Variants in ZNF81 observed in about 807,000 individuals in gnomAD.
ZNF81 encodes the protein zinc finger protein 81, also known as zinc finger protein 81 (HFZ20).
A neutral mutation model predicts 32.3 loss-of-function variants in ZNF81; 5 were observed. The ratio of observed to expected loss-of-function variants is 0.15; its 90% CI spans 0.08 to 0.33. ZNF81 has a LOEUF of 0.33. Ranked by LOEUF, ZNF81 falls within the 10% of genes least tolerant of loss-of-function variation. The probability of loss-of-function intolerance (pLI) is 1.00; values close to 1 mark genes in which losing one functional copy is unlikely to be tolerated. For missense variants in ZNF81, 379 were observed against 479.8 expected (o/e 0.79, Z 1.96); for synonymous variants, 163 against 166.8 (o/e 0.98, Z 0.17).
intron 2 of ZNF81, among the ~76,000 whole-genome samples, chrX:47,853,726 T>A (rs905016759): frequency 3.6e-5 from 4 of 110,879 alleles, no homozygotes; most frequent in African/African-American, 1.3e-4. Context: ...TTAAATTTTT[T>A]TTTTTAAGAG....
At chrX:47,910,312 G>A (rs1556889766) in intron 4 of ZNF81, among the ~76,000 whole-genome samples, 2 of 111,514 alleles carry the variant, frequency 1.8e-5, no homozygotes, top group Admixed American at 1.9e-4. Flanking sequence ...TACAAAATGG[G>A]AGAAAATTTT....
chrX:47,881,886 C>G (rs2058622291), intron 2 of ZNF81, among the ~76,000 whole-genome samples: 1 of 112,075 alleles, frequency 8.9e-6, no homozygotes, highest in South Asian at 3.7e-4. Context: ...AAACGATCCT[C>G]CCTCCTCAGC....
At chrX:47,907,761 G>C (rs782119470) in intron 4 of ZNF81, among the ~76,000 whole-genome samples, 225 of 111,656 alleles carry the variant, frequency 2.0e-3, no homozygotes, top group Non-Finnish European at 3.3e-3. Flanking sequence ...AAAATATTAT[G>C]ACCAACTTTA....
At chrX:47,911,262 C>G (rs1489294131) in intron 4 of ZNF81, among the ~76,000 whole-genome samples, 1 of 111,124 alleles carries the variant, frequency 9.0e-6, no homozygotes, top group African/African-American at 3.3e-5. Context: ...GTCTTTAATG[C>G]CTGTCATATA....
At chrX:47,892,523 G>A (rs1556886593) in intron 3 of ZNF81, among the ~76,000 whole-genome samples, 1 of 112,090 alleles carries the variant, frequency 8.9e-6, no homozygotes, top group South Asian at 3.7e-4. Context: ...TACCCAGGCA[G>A]TTCTGGCATT....
rs781912438 is a variant in ZNF81 at position 47,846,032 on chromosome X, C to T, written c.-163-73C>T. The T allele has an allele frequency of 3.8e-5, 18 of 478,938 alleles. No individual in the cohort carries two copies. In the East Asian group the frequency reaches 6.3e-4, roughly 17 times the overall value. The allele number at this position is 478,938 out of a possible 1,213,427, so 39.5% of individuals were successfully genotyped here. A position where few individuals can be genotyped will look rare whatever the true frequency, so the allele number is the denominator to read the frequency against. On this transcript the variant is annotated intron_variant, in intron 1 of 4. Transcript: ENST00000338637. ...ACAGTATCCAGTGCAGTGAACTGTA[C>T]TTTGGTTCCCCCAGGAGATGTCTGT...
At position 47,915,692 on chromosome X, in the gene ZNF81, A is replaced by C. The variant is rs1556890631; in HGVS notation, c.1046A>C (p.Glu349Ala). The C allele has an allele frequency of 3.3e-6, 4 of 1,208,981 alleles. No individual in the cohort carries two copies. The highest frequency in any genetic ancestry group is 3.5e-5 in the African/African-American group (2 of 57,121). The part of the protein sequence containing the change: ...FIQNSELIMH[E>A]KTHTREKPYK... The stretch of plus-strand genomic sequence containing the variant: ...CAGAATTCAGAATTAATTATGCATG[A>C]GAAAACTCATACTAGAGAGAAACCC... Residue 349 changes from glutamate to alanine, a missense_variant, in exon 5 of 5, where the codon GAG becomes GCG. By Grantham distance (107) the Glu-to-Ala change is moderately radical (BLOSUM62 -1). This residue lies in a region of ZNF81 where 277 missense variants were observed against 306.6 expected (regional missense o/e 0.90). Coordinates refer to ENST00000338637, the MANE Select transcript of ZNF81 (RefSeq NM_007137.5).
Position 47,846,148 on chromosome X carries a change from TGA to T in ZNF81, c.-119_-118del. 1 of 862,445 alleles carries T rather than the reference TGA, an allele frequency of 1.2e-6. No individual in the cohort carries two copies. The highest frequency in any genetic ancestry group is 4.0e-4 in the Middle Eastern group (1 of 2,485). The allele number at this position is 862,445 out of a possible 1,213,427, so 71.1% of individuals were successfully genotyped here. A position where few individuals can be genotyped will look rare whatever the true frequency, so the allele number is the denominator to read the frequency against. The stretch of plus-strand genomic sequence containing the variant: ...GGAGTCCCTGGGCCAGATCTCACAG[TGA>T]AAGCTGCAGGATCTTCCTTCTGACC... On this transcript the variant is annotated 5_prime_UTR_variant, in exon 2 of 5. It removes the in-frame stop codon of an upstream open reading frame in the 5' UTR. Transcript: ENST00000338637.
chrX:47,838,047 A>G (rs2058432356), intron 1 of ZNF81, among the ~76,000 whole-genome samples: 2 of 112,163 alleles, frequency 1.8e-5, no homozygotes, highest in Non-Finnish European at 3.8e-5. Context: ...CAAGTTCTGT[A>G]CATGTCTTAT....
chrX:47,847,024 A>G (rs1556880596), intron 2 of ZNF81, among the ~76,000 whole-genome samples: 1 of 112,289 alleles, frequency 8.9e-6, no homozygotes, highest in Non-Finnish European at 1.9e-5. Context: ...TTGTGTTACT[A>G]TATACACATC....
chrX:47,850,811 A>G (rs1489951303), intron 2 of ZNF81, among the ~76,000 whole-genome samples: 2 of 110,256 alleles, frequency 1.8e-5, no homozygotes, highest in African/African-American at 3.3e-5. Context: ...TTTTGACCCC[A>G]GTGGCCTATA....
At chrX:47,876,602 T>C (rs2058600525) in intron 2 of ZNF81, among the ~76,000 whole-genome samples, 1 of 112,289 alleles carries the variant, frequency 8.9e-6, no homozygotes, top group Non-Finnish European at 1.9e-5. Context: ...AAGAGACCCA[T>C]GGAAGTGTCT....
intron 3 of ZNF81, 110 bp downstream of exon 3, chrX:47,888,235 T>C (rs2148029362): frequency 9.7e-7 from 1 of 1,027,186 alleles, no homozygotes; most frequent in Non-Finnish European, 1.3e-6. Flanking sequence ...AATGTGACCT[T>C]ATTTGGAAAT....
In ZNF81 at chrX:47,889,720, G is replaced by T. The variant is rs1556886269; in HGVS notation, c.181+1595G>T. On this transcript the variant is annotated intron_variant, in intron 3 of 4. Transcript: ENST00000338637. ...CTGTAAAGGAAGCATAGTGGCTCCT[G>T]CTTCTGAGGAAGCCTCAGGAAGCTT... Among the ~76,000 whole-genome samples, 5 of 112,216 alleles carry T rather than the reference G, an allele frequency of 4.5e-5. No individual in the cohort carries two copies. The Admixed American group carries it at 4.7e-4, about 11-fold the overall frequency.
At chrX:47,862,126 C>T (rs782710196) in intron 2 of ZNF81, among the ~76,000 whole-genome samples, 7 of 111,219 alleles carry the variant, frequency 6.3e-5, no homozygotes, top group Non-Finnish European at 1.1e-4. Flanking sequence ...TTACGTGAAC[C>T]GCTGGTAGTG....
chrX:47,876,943 G>A (rs2148022233), intron 2 of ZNF81, among the ~76,000 whole-genome samples: 1 of 112,324 alleles, frequency 8.9e-6, no homozygotes, highest in South Asian at 3.7e-4. Flanking sequence ...GAGGAAGGGA[G>A]ATGGATTGGG....
chrX:47,842,320 C>T (rs782809188), intron 1 of ZNF81, among the ~76,000 whole-genome samples: 1 of 111,624 alleles, frequency 9.0e-6, no homozygotes, highest in Non-Finnish European at 1.9e-5. Context: ...TTCTGTTCAG[C>T]GAAGTCACCT....
chrX:47,856,599 G>T (rs782647924), intron 2 of ZNF81, among the ~76,000 whole-genome samples: 1 of 111,816 alleles, frequency 8.9e-6, no homozygotes, highest in South Asian at 3.7e-4. Context: ...AAAAACAACT[G>T]AAAAATTCCC....
Position 47,915,190 on chromosome X carries a change from C to G in ZNF81, c.544C>G (p.Leu182Val). The G allele has an allele frequency of 8.3e-7, 1 of 1,203,547 alleles. No homozygotes were observed. Among genetic ancestry groups the G allele is most frequent in the Non-Finnish European group, 1.1e-6 (1 of 891,861 alleles). Residue 182 changes from leucine to valine, a missense_variant, in exon 5 of 5, where the codon CTC becomes GTC. By Grantham distance (32) the Leu-to-Val change is conservative. Around this residue, in one of 2 missense-constraint regions of ZNF81, gnomAD observed 277 missense variants for 306.6 expected, o/e 0.90. Coordinates refer to ENST00000338637, the MANE Select transcript of ZNF81 (RefSeq NM_007137.5). ...FGKFVHPSPN[L>V]ILSQKRPHKR... ...AAAATTTGTTCATCCAAGCCCAAAT[C>G]TCATTCTTTCACAGAAAAGACCCCA...
Sources: gnomAD v4.1 joint callset for allele counts (sites outside exome capture counted in the v4.1 genomes callset) on GRCh38, gnomAD v4.1.1 for gene constraint, gnomAD v4.1.1 regional missense constraint, MANE v1.5 for transcripts, NCBI Gene and HGNC (gene_info 2026-07-23, HGNC 2026-07-21) for gene names.